Variants in SETD2 observed in about 807,000 individuals in gnomAD.
SETD2 encodes SET domain containing 2, histone lysine methyltransferase.
In SETD2, 31 loss-of-function variants were observed where a neutral mutation model predicts 242.1. The ratio of observed to expected loss-of-function variants is 0.13; its 90% CI spans 0.10 to 0.17. SETD2 has a LOEUF of 0.17. SETD2 is among the 10% of genes least tolerant of loss of function. SETD2 has a pLI of 1.00. For missense variants in SETD2, 2,481 were observed against 3,046.3 expected (o/e 0.81, Z 4.37); for synonymous variants, 1,006 against 1,066.5 (o/e 0.94, Z 1.11).
rs1188677702 is a variant in SETD2, at chr3:47,057,307, G to A, written c.6477C>T (p.Ala2159=). The part of the protein sequence containing the change: ...PLPYDSLGYN[A]PHHPFAGYPP... ...GGTAACCAGCAAAGGGATGATGCGG[G>A]GCATTATAACCAAGAGAGTCATAGG... Residue 2159 remains alanine (A), a synonymous_variant, in exon 15 of 21, where the codon GCC becomes GCT. Coordinates refer to ENST00000409792, the MANE Select transcript of SETD2 (RefSeq NM_014159.7). 6.2e-7 allele frequency: 1 copy of A among 1,614,168 alleles called. No individual in the cohort carries two copies. Among genetic ancestry groups the A allele is most frequent in the Admixed American group, 1.7e-5 (1 of 60,028 alleles).
chr3:47,070,685 G>T (rs1297599551), intron 12 of SETD2, among the ~76,000 whole-genome samples: 1 of 152,194 alleles, frequency 6.6e-6, no homozygotes, highest in African/African-American at 2.4e-5. Flanking sequence ...CTTCATTCAT[G>T]TTAACCCTTA....
At chr3:47,107,161 T>C (rs995570354) in intron 5 of SETD2, among the ~76,000 whole-genome samples, 1 of 152,194 alleles carries the variant, frequency 6.6e-6, no homozygotes, top group African/African-American at 2.4e-5. Context: ...AGACAAATGT[T>C]ATACTATGTT....
At chr3:47,044,828 C>T (rs1456728966) in intron 16 of SETD2, among the ~76,000 whole-genome samples, 1 of 152,144 alleles carries the variant, frequency 6.6e-6, no homozygotes, top group Admixed American at 6.5e-5. Flanking sequence ...GTATCATATT[C>T]TAGTACAGGT....
intron 1 of SETD2, among the ~76,000 whole-genome samples, chr3:47,146,625 TA>T (rs60453399): frequency 1.9e-3 from 257 of 138,506 alleles, no homozygotes; most frequent in Admixed American, 2.1e-3. Context: ...AGACTCCGTC[TA>T]AAAAAAAAAA....
chr3:47,053,668 G>A (rs191958479), intron 15 of SETD2, among the ~76,000 whole-genome samples: 2 of 152,264 alleles, frequency 1.3e-5, no homozygotes, highest in Admixed American at 1.3e-4. Flanking sequence ...TCACCGCCAA[G>A]GTTATCACAG....
chr3:47,113,887 T>C lies in SETD2; in HGVS notation c.4704A>G (p.Lys1568=). The C allele has an allele frequency of 6.2e-7, 1 of 1,610,500 alleles. No individual in the cohort carries two copies. Among genetic ancestry groups the C allele is most frequent in the East Asian group, 2.2e-5 (1 of 44,820 alleles). ...EKKGWGLRAA[K]DLPSNTFVLE... is the part of the protein sequence containing the mutation. ...AAAAAAGAACTTACGAAGGAAGGTC[T>C]TTGGCAGCTCTCAAGCCCCAGCCTT... The change falls in exon 5 of 21, where the codon AAA becomes AAG. Residue 1568 remains lysine, a synonymous_variant. Transcript: ENST00000409792.
intron 12 of SETD2, 75 bp downstream of exon 12, chr3:47,083,645 G>GC: frequency 7.2e-7 from 1 of 1,384,626 alleles, no homozygotes; most frequent in Non-Finnish European, 9.8e-7. Flanking sequence ...AAAAAAAGTA[G>GC]TTAATTTTGC....
chr3:47,163,814 G>T, intron 1 of SETD2, 40 bp downstream of exon 1: 1 of 1,251,062 alleles, frequency 8.0e-7, no homozygotes, highest in Non-Finnish European at 1.0e-6. Flanking sequence ...TGGGGATAAG[G>T]CGGCCGACAG....
At chr3:47,041,135 TG>T (rs2039258883) in intron 17 of SETD2, among the ~76,000 whole-genome samples, 1 of 152,210 alleles carries the variant, frequency 6.6e-6, no homozygotes, top group Non-Finnish European at 1.5e-5. Flanking sequence ...GAGCAGGGGT[TG>T]GCAAACTTTC....
At chr3:47,044,657 C>A (rs2107544760) in intron 16 of SETD2, among the ~76,000 whole-genome samples, 1 of 152,252 alleles carries the variant, frequency 6.6e-6, no homozygotes, top group Non-Finnish European at 1.5e-5. Context: ...AAAACAACAA[C>A]ACTTTGAGAT....
intron 9 of SETD2, among the ~76,000 whole-genome samples, chr3:47,097,595 C>T (rs535969259): frequency 6.6e-6 from 1 of 152,300 alleles, no homozygotes; most frequent in South Asian, 2.1e-4. Flanking sequence ...ATTTGAAGAA[C>T]ACTCAAAGTT....
rs536637525 is a variant in SETD2 at position 47,124,848 on chromosome 3, CATTTTTTAAAAAGA to C, written c.88-314_88-301del. On this transcript the variant is annotated intron_variant, in intron 2 of 20. Coordinates refer to ENST00000409792, the MANE Select transcript of SETD2 (RefSeq NM_014159.7). ...AGTTTTATAACTATTTTCCAGGTAG[CATTTTTTAAAAAGA>C]ATTTTTTAAAAACCTGACATATGTT... Among the ~76,000 whole-genome samples, 6 of 152,198 alleles carry C rather than the reference CATTTTTTAAAAAGA, an allele frequency of 3.9e-5. No individual in the cohort carries two copies. The East Asian group carries it at 1.2e-3, about 29-fold the overall frequency.
chr3:47,124,606 C>T (rs2043252414), intron 2 of SETD2, 58 bp from the exon 3 acceptor site: 1 of 1,394,918 alleles, frequency 7.2e-7, no homozygotes, highest in Non-Finnish European at 9.6e-7. Context: ...TTCAAATGGA[C>T]TGCACAGTTT....
intron 16 of SETD2, 140 bp downstream of exon 16, chr3:47,046,343 AAAAT>A: frequency 4.1e-5 from 27 of 651,618 alleles, no homozygotes; most frequent in Middle Eastern, 5.0e-4. Flanking sequence ...TCTCAAAAAA[AAAAT>A]AAAATAAAAT....
At chr3:47,130,232 A>AT (rs1345460210) in intron 1 of SETD2, among the ~76,000 whole-genome samples, 2 of 152,332 alleles carry the variant, frequency 1.3e-5, no homozygotes, top group East Asian at 3.9e-4. Context: ...AGATCCCTAG[A>AT]TAATAGACAG....
At chr3:47,022,571 G>A (rs1171937806) in intron 18 of SETD2, among the ~76,000 whole-genome samples, 1 of 152,200 alleles carries the variant, frequency 6.6e-6, no homozygotes, top group Non-Finnish European at 1.5e-5. Context: ...ACATAAAAAA[G>A]CGAGTGCTTC....
intron 12 of SETD2, among the ~76,000 whole-genome samples, chr3:47,068,493 C>CTTT (rs573954456): frequency 6.4e-5 from 7 of 108,716 alleles, no homozygotes; most frequent in East Asian, 2.6e-4. Context: ...AATACACTAT[C>CTTT]TTTTTTTTTT....
intron 18 of SETD2, among the ~76,000 whole-genome samples, chr3:47,032,662 G>A (rs916789031): frequency 4.6e-5 from 7 of 151,634 alleles, no homozygotes; most frequent in South Asian, 2.1e-4. Flanking sequence ...CTATAATCCC[G>A]GCACTTTAGG....
intron 12 of SETD2, among the ~76,000 whole-genome samples, chr3:47,073,107 C>A (rs980368862): frequency 2.0e-5 from 3 of 149,622 alleles, no homozygotes; most frequent in African/African-American, 7.4e-5. Context: ...GCTAAGATAG[C>A]ACCACTGCAC....
Sources: gnomAD v4.1 joint callset for allele counts (sites outside exome capture counted in the v4.1 genomes callset) on GRCh38, gnomAD v4.1.1 for gene constraint, MANE v1.5 for transcripts, NCBI Gene and HGNC (gene_info 2026-07-23, HGNC 2026-07-21) for gene names.